KCNQ3: variants seen among roughly 807,000 people sequenced by gnomAD.
The protein encoded by KCNQ3 is potassium voltage-gated channel subfamily KQT member 3.
A neutral mutation model predicts 92.5 loss-of-function variants in KCNQ3; 30 were observed. That is an observed-to-expected ratio of 0.32 (90% confidence interval 0.24 to 0.44). The LOEUF (loss-of-function observed/expected upper bound fraction) is 0.44. Ranked by LOEUF, KCNQ3 falls within the 20% of genes least tolerant of loss-of-function variation. The pLI, the probability that KCNQ3 is intolerant of heterozygous loss-of-function variation, is 1.00. For synonymous variants in KCNQ3, 450 were observed against 468.8 expected (o/e 0.96, Z 0.52); for missense variants, 913 against 1,140.3 (o/e 0.80, Z 2.87).
At chr8:132,396,114 T>G (rs1411550023) in intron 1 of KCNQ3, among the ~76,000 whole-genome samples, 3 of 152,208 alleles carry the variant, frequency 2.0e-5, no homozygotes, top group African/African-American at 7.2e-5. Context: ...GGAGAGGCCC[T>G]CAACGCACTG....
At position 132,132,125 on chromosome 8, in the gene KCNQ3, A is replaced by G. The variant is rs867825671; in HGVS notation, c.1884+55T>C. On this transcript the variant is annotated intron_variant, in intron 14 of 14. Coordinates refer to ENST00000388996, the MANE Select transcript of KCNQ3 (RefSeq NM_004519.4). Reference sequence around the variant, plus strand: ...GAAAGAAAGAAAAAAAAGAAATGGCATTTGAAAATAAATGTCACAGATCCA... The same window carrying G: ...GAAAGAAAGAAAAAAAAGAAATGGCGTTTGAAAATAAATGTCACAGATCCA... 5 of 1,137,446 alleles carry G rather than the reference A, an allele frequency of 4.4e-6. No homozygotes were observed. In the African/African-American group the frequency reaches 4.6e-5, roughly 10 times the overall value. The allele number at this position is 1,137,446 out of a possible 1,614,324, so 70.5% of individuals were successfully genotyped here.
chr8:132,357,587 A>G (rs923231096), intron 1 of KCNQ3, among the ~76,000 whole-genome samples: 1 of 152,104 alleles, frequency 6.6e-6, no homozygotes, highest in Admixed American at 6.5e-5. Context: ...CCAAAAGGAG[A>G]TATGGGATGA....
intron 1 of KCNQ3, among the ~76,000 whole-genome samples, chr8:132,353,415 CG>C (rs1428560542): frequency 2.0e-5 from 3 of 152,086 alleles, no homozygotes; most frequent in Non-Finnish European, 4.4e-5. Context: ...CACATGGAAA[CG>C]GTCAAAACTG....
At chr8:132,309,151 C>T (rs1004139515) in intron 1 of KCNQ3, among the ~76,000 whole-genome samples, 9 of 152,108 alleles carry the variant, frequency 5.9e-5, no homozygotes, top group South Asian at 2.1e-4. Flanking sequence ...TCTCCCATGC[C>T]GGATGCTTCC....
chr8:132,402,589 G>C (rs1352965992), intron 1 of KCNQ3, among the ~76,000 whole-genome samples: 1 of 152,160 alleles, frequency 6.6e-6, no homozygotes, highest in Non-Finnish European at 1.5e-5. Flanking sequence ...GTGGAGCACA[G>C]GGAACTTGTA....
intron 1 of KCNQ3, among the ~76,000 whole-genome samples, chr8:132,262,619 G>A (rs1815824622): frequency 7.0e-6 from 1 of 143,792 alleles, no homozygotes; most frequent in Non-Finnish European, 1.5e-5. Context: ...TGAAGGGGTG[G>A]AATTTCTTAC....
intron 1 of KCNQ3, among the ~76,000 whole-genome samples, chr8:132,245,483 C>T (rs191919683): frequency 6.6e-6 from 1 of 152,290 alleles, no homozygotes; most frequent in African/African-American, 2.4e-5. Flanking sequence ...CATATGGACT[C>T]TAAATATGCA....
chr8:132,272,671 A>G (rs537496018), intron 1 of KCNQ3, among the ~76,000 whole-genome samples: 1 of 152,286 alleles, frequency 6.6e-6, no homozygotes, highest in African/African-American at 2.4e-5. Flanking sequence ...CTCTTTTGAA[A>G]GCCATCAGAT....
chr8:132,440,357 G>A (rs943063748), intron 1 of KCNQ3, among the ~76,000 whole-genome samples: 3 of 152,206 alleles, frequency 2.0e-5, no homozygotes, highest in South Asian at 2.1e-4. Context: ...CCTTCATGGC[G>A]CTGACCAGGT....
intron 1 of KCNQ3, among the ~76,000 whole-genome samples, chr8:132,190,456 C>A (rs1316155816): frequency 6.6e-6 from 1 of 152,120 alleles, no homozygotes; most frequent in Non-Finnish European, 1.5e-5. Context: ...GCTAGAGATT[C>A]TCCTGCTGGT....
At position 132,180,180 on chromosome 8, in the gene KCNQ3, A is replaced by T; in HGVS notation, c.754T>A (p.Ser252Thr). ...ACTTTGCTGTGGGCACAGATGGCTGAGCCCAGAAGCTTCCAGGTGCCACCT... is the reference window on the plus strand; with the variant it reads ...ACTTTGCTGTGGGCACAGATGGCTGTGCCCAGAAGCTTCCAGGTGCCACCT... ...RRGGTWKLLG[S>T]AICAHSKELI... The change falls in exon 4 of 15, where the codon TCA becomes ACA. Residue 252 changes from serine to threonine, a missense_variant. Coordinates refer to ENST00000388996, the MANE Select transcript of KCNQ3 (RefSeq NM_004519.4). 1 of 1,614,152 alleles carries T rather than the reference A, an allele frequency of 6.2e-7. No individual in the cohort carries two copies. Among genetic ancestry groups the T allele is most frequent in the Non-Finnish European group, 8.5e-7 (1 of 1,180,034 alleles).
rs1468409295 is a variant in KCNQ3, at chr8:132,143,904, A to G, written c.1263-2573T>C. Among the ~76,000 whole-genome samples, 4 of 152,356 alleles carry G rather than the reference A, an allele frequency of 2.6e-5. No homozygotes were observed. In the East Asian group the frequency reaches 7.7e-4, roughly 29 times the overall value. ...ACAATACTTCTTAATGCTAGTTTAA[A>G]AAGTTCAACATTGTCATTCTACTCC... On this transcript the variant is annotated intron_variant, in intron 9 of 14. Coordinates refer to ENST00000388996, the MANE Select transcript of KCNQ3 (RefSeq NM_004519.4).
chr8:132,419,354 C>G (rs1383307440), intron 1 of KCNQ3, among the ~76,000 whole-genome samples: 2 of 152,104 alleles, frequency 1.3e-5, no homozygotes, highest in African/African-American at 4.8e-5. Context: ...ATAGAGCCAC[C>G]CTAGTAAAAT....
chr8:132,180,628 C>G (rs1586806509), intron 3 of KCNQ3, among the ~76,000 whole-genome samples: 1 of 152,110 alleles, frequency 6.6e-6, no homozygotes, highest in African/African-American at 2.4e-5. Context: ...ACCAAGGCCC[C>G]CCGCAGTGTG....
intron 1 of KCNQ3, among the ~76,000 whole-genome samples, chr8:132,293,987 T>G (rs2403772): frequency 0.1 from 15,192 of 146,616 alleles, 1,088 homozygotes; most frequent in African/African-American, 0.19. Flanking sequence ...TAAGGGTTTT[T>G]TGTGTGTGTG....
Position 132,423,716 on chromosome 8 carries a change from G to A in KCNQ3, c.386+56431C>T, listed in dbSNP as rs575439922. On this transcript the variant is annotated intron_variant, in intron 1 of 14. Transcript: ENST00000388996. ...GTAATTCAGCCGAGGTCACACAGCT[G>A]TAAGTGGCAGAACCAGTGCAGTCCC... Among the ~76,000 whole-genome samples the A allele has an allele frequency of 2.3e-4, 35 of 152,312 alleles. 1 individual carries two copies. The highest frequency in any genetic ancestry group is 3.4e-3 in the Middle Eastern group (1 of 294).
intron 1 of KCNQ3, among the ~76,000 whole-genome samples, chr8:132,313,904 C>A: frequency 6.6e-6 from 1 of 152,100 alleles, no homozygotes. Context: ...AAGTTCCCAG[C>A]CAAATCTCCA....
chr8:132,440,725 G>A (rs1044664617), intron 1 of KCNQ3, among the ~76,000 whole-genome samples: 1 of 152,152 alleles, frequency 6.6e-6, no homozygotes, highest in Non-Finnish European at 1.5e-5. Flanking sequence ...CACACAGGAG[G>A]GGGGTTACTA....
intron 1 of KCNQ3, among the ~76,000 whole-genome samples, chr8:132,221,648 C>T (rs1814241255): frequency 6.6e-6 from 1 of 152,134 alleles, no homozygotes. Flanking sequence ...CCTTTGCCCA[C>T]TTTTTGGTGG....
Sources: allele counts gnomAD v4.1 joint callset (sites outside exome capture counted in the v4.1 genomes callset), GRCh38; gene constraint gnomAD v4.1.1; transcripts MANE v1.5; gene names NCBI Gene and HGNC (gene_info 2026-07-23, HGNC 2026-07-21).